TTC7B: variants seen among roughly 807,000 people sequenced by gnomAD.
The protein encoded by TTC7B is tetratricopeptide repeat domain 7B.
Under a neutral mutation model 106.8 loss-of-function variants are expected in TTC7B, and 28 were observed. The observed-to-expected ratio is 0.26, with a 90% CI of 0.19 to 0.36. The LOEUF is 0.36. TTC7B is among the 10% of genes least tolerant of loss of function. The pLI is 1.00. For missense variants in TTC7B, 862 were observed against 1,076.4 expected (o/e 0.80, Z 2.79); for synonymous variants, 405 against 430.6 (o/e 0.94, Z 0.74).
At position 90,676,590 on chromosome 14, in the gene TTC7B, G is replaced by A; in HGVS notation, c.1085C>T (p.Ala362Val). 2 of 1,614,134 alleles carry A rather than the reference G, an allele frequency of 1.2e-6. No homozygotes were observed. Among genetic ancestry groups the A allele is most frequent in the Non-Finnish European group, 1.7e-6 (2 of 1,179,996 alleles). The part of the protein sequence containing the change: ...KSDRLISLQS[A>V]SVVYDLLTIA... ...GGTGAGTAAGTCATAGACCACAGAT[G>A]CACTCTGCAGACTGATGAGGCGGTC... is the stretch of plus-strand genomic sequence containing the variant. The change falls in exon 9 of 20, where the codon GCA becomes GTA. Residue 362 changes from alanine to valine, a missense_variant. Physicochemically the swap from Ala to Val is moderately conservative, Grantham distance 64. Transcript: ENST00000328459.
chr14:90,564,954 T>C (rs983689119), intron 19 of TTC7B, among the ~76,000 whole-genome samples: 13 of 152,238 alleles, frequency 8.5e-5, no homozygotes, highest in Non-Finnish European at 1.8e-4. Context: ...TATAGCCACC[T>C]TCTTAGCTGG....
At chr14:90,634,266 T>G (rs1330420182) in intron 15 of TTC7B, among the ~76,000 whole-genome samples, 1 of 152,106 alleles carries the variant, frequency 6.6e-6, no homozygotes, top group Non-Finnish European at 1.5e-5. Context: ...GTTTAGATAT[T>G]TAATAGTTCA....
intron 6 of TTC7B, among the ~76,000 whole-genome samples, chr14:90,693,257 C>T (rs1056930842): frequency 1.3e-5 from 2 of 152,032 alleles, no homozygotes; most frequent in South Asian, 2.1e-4. Flanking sequence ...CTGGCTATGG[C>T]TGTGTAGGGC....
intron 5 of TTC7B, chr14:90,699,296 G>C (rs1887891194): frequency 2.3e-6 from 1 of 442,796 alleles, no homozygotes; most frequent in African/African-American, 2.0e-5. Context: ...GAAAACCAAG[G>C]CTAGAGAAAT....
intron 17 of TTC7B, chr14:90,602,141 T>A (rs1322684570): frequency 4.4e-6 from 2 of 455,954 alleles, no homozygotes; most frequent in African/African-American, 2.0e-5. Flanking sequence ...GTCATTCAAA[T>A]GCACTGGATC....
chr14:90,613,265 T>A (rs1017801926), intron 16 of TTC7B, among the ~76,000 whole-genome samples: 3 of 151,930 alleles, frequency 2.0e-5, no homozygotes, highest in Admixed American at 2.0e-4. Context: ...CTTGGCGGCA[T>A]GCACCTGTGA....
chr14:90,641,934 CGTGTGTGTGTGT>C (rs145476335), intron 15 of TTC7B, among the ~76,000 whole-genome samples: 2 of 147,100 alleles, frequency 1.4e-5, no homozygotes, highest in East Asian at 2.0e-4. Context: ...TGTGTGTGTG[CGTGTGTGTGTGT>C]GTGTGTGTGT....
At chr14:90,654,862 C>T (rs931076690) in intron 12 of TTC7B, 131 bp downstream of exon 12, 14 of 710,614 alleles carry the variant, frequency 2.0e-5, no homozygotes, top group Admixed American at 1.0e-4. Flanking sequence ...GGGGCCCCAC[C>T]GGATGGCACA....
At chr14:90,557,378 A>G (rs1890363045) in intron 19 of TTC7B, among the ~76,000 whole-genome samples, 1 of 152,222 alleles carries the variant, frequency 6.6e-6, no homozygotes, top group Non-Finnish European at 1.5e-5. Context: ...ACTTAGGCAG[A>G]GGCTTCTCTC....
intron 18 of TTC7B, among the ~76,000 whole-genome samples, chr14:90,580,893 TGGGGGC>T (rs1296217280): frequency 2.6e-5 from 4 of 152,172 alleles, no homozygotes; most frequent in Non-Finnish European, 5.9e-5. Flanking sequence ...GCTTCAGGCC[TGGGGGC>T]GGGGAAATGG....
At chr14:90,740,587 C>T (rs1442734617) in intron 4 of TTC7B, among the ~76,000 whole-genome samples, 1 of 147,918 alleles carries the variant, frequency 6.8e-6, no homozygotes, top group Non-Finnish European at 1.5e-5. Flanking sequence ...CTGCAACGTC[C>T]ACCTCCCAGG....
rs1246239979 is a variant in TTC7B at position 90,663,160 on chromosome 14, G to A, written c.1153-4773C>T. ...GACCCTGCAAAGTACAAGGCAGGTA[G>A]GCCCCTTTATCATCGTCCATTTGCA... On this transcript the variant is annotated intron_variant, in intron 9 of 19. Coordinates refer to ENST00000328459, the MANE Select transcript of TTC7B (RefSeq NM_001010854.2). This position sits in a 1 kb window ranked among gnomAD's most constrained non-coding sequence, Gnocchi z 4.5. 1.3e-5 allele frequency among the ~76,000 whole-genome samples: 2 copies of A among 152,190 alleles called. No individual in the cohort carries two copies. Among genetic ancestry groups the A allele is most frequent in the African/African-American group, 2.4e-5 (1 of 41,446 alleles).
intron 17 of TTC7B, chr14:90,594,023 C>T (rs545622059): frequency 2.6e-4 from 41 of 157,312 alleles, no homozygotes; most frequent in African/African-American, 9.3e-4. Context: ...GAGGAATATA[C>T]TTGCCTCCTG....
rs1020922215 is a variant in TTC7B, at chr14:90,806,734, T to C, written c.121+9441A>G. 1.2e-4 allele frequency among the ~76,000 whole-genome samples: 18 copies of C among 151,844 alleles called. 1 individual carries two copies. Among genetic ancestry groups the C allele is most frequent in the Non-Finnish European group, 1.5e-5 (1 of 67,968 alleles). On this transcript the variant is annotated intron_variant, in intron 1 of 19. Transcript: ENST00000328459. ...CCAGCCTGGGTAACATGGTGAAACC[T>C]CATCTCTACAAAAAATACAAAAATC...
intron 19 of TTC7B, among the ~76,000 whole-genome samples, chr14:90,556,212 C>G (rs77716909): frequency 0.035 from 5,324 of 152,274 alleles, 282 homozygotes; most frequent in African/African-American, 0.12. Context: ...CAGGAGGAAG[C>G]CTTGGGGTCC....
At chr14:90,643,601 G>A (rs919011643) in intron 15 of TTC7B, among the ~76,000 whole-genome samples, 28 of 151,950 alleles carry the variant, frequency 1.8e-4, no homozygotes, top group African/African-American at 5.1e-4. Flanking sequence ...TTTTTGAGAC[G>A]GAATCTCGCT....
chr14:90,814,910 A>G (rs1247321237), intron 1 of TTC7B, among the ~76,000 whole-genome samples: 1 of 152,202 alleles, frequency 6.6e-6, no homozygotes, highest in Non-Finnish European at 1.5e-5. Context: ...GCGTTCACCC[A>G]GAAGGTACCT....
intron 19 of TTC7B, among the ~76,000 whole-genome samples, chr14:90,566,496 C>T (rs1303869460): frequency 1.3e-5 from 2 of 152,050 alleles, no homozygotes; most frequent in South Asian, 4.1e-4. Flanking sequence ...CCTTCACAAG[C>T]CCTTGGGGTG....
intron 3 of TTC7B, among the ~76,000 whole-genome samples, chr14:90,761,612 A>G (rs1241376078): frequency 6.6e-6 from 1 of 152,230 alleles, no homozygotes; most frequent in Non-Finnish European, 1.5e-5. Context: ...CTTTATTGCA[A>G]TGCCCTGGTC....
Sources: gnomAD v4.1 joint callset for allele counts (sites outside exome capture counted in the v4.1 genomes callset) on GRCh38, gnomAD v4.1.1 for gene constraint, Gnocchi (gnomAD v3.1) non-coding constraint, MANE v1.5 for transcripts, NCBI Gene and HGNC (gene_info 2026-07-23, HGNC 2026-07-21) for gene names.